NT5M: variants seen among roughly 807,000 people sequenced by gnomAD.
NT5M encodes the protein 5',3'-nucleotidase, mitochondrial, also known as 5'(3')-deoxyribonucleotidase, mitochondrial.
NT5M carries 22 observed loss-of-function variants against 22.2 expected under a neutral mutation model. The observed-to-expected ratio is 0.99, with a 90% confidence interval of 0.71 to 1.41. The LOEUF (loss-of-function observed/expected upper bound fraction) is 1.41. NT5M is among the 40% of genes most tolerant of loss of function. The pLI, the probability that NT5M is intolerant of heterozygous loss-of-function variation, is 0.00. For synonymous variants in NT5M, 167 were observed against 133.0 expected, an observed-to-expected ratio of 1.26 and a Z score of -1.76; for missense variants, 322 against 314.8, an observed-to-expected ratio of 1.02 and a Z score of -0.17.
intron 2 of NT5M, among the ~76,000 whole-genome samples, chr17:17,311,313 G>A (rs2048917734): frequency 6.6e-6 from 1 of 150,594 alleles, no homozygotes; most frequent in Non-Finnish European, 1.5e-5. Context: ...ACTCCAGCCT[G>A]GGCCGACAGA....
At chr17:17,325,219 A>G (rs17726703) in intron 3 of NT5M, among the ~76,000 whole-genome samples, 24,654 of 152,076 alleles carry the variant, frequency 0.16, 2,189 homozygotes, top group Non-Finnish European at 0.19. Context: ...TGGGAGTGAG[A>G]TGAACGACAT....
intron 3 of NT5M, among the ~76,000 whole-genome samples, chr17:17,335,765 T>G (rs2049495763): frequency 6.6e-6 from 1 of 151,564 alleles, no homozygotes; most frequent in African/African-American, 2.4e-5. Flanking sequence ...CCCAAGTAGC[T>G]GGAACTACAG....
At chr17:17,312,955 G>C (rs1188394853) in intron 2 of NT5M, among the ~76,000 whole-genome samples, 3 of 151,910 alleles carry the variant, frequency 2.0e-5, no homozygotes, top group Admixed American at 1.3e-4. Flanking sequence ...CTGAGCAACA[G>C]AGCAAGACCC....
intron 2 of NT5M, among the ~76,000 whole-genome samples, chr17:17,310,152 A>G (rs1172737350): frequency 6.6e-6 from 1 of 152,144 alleles, no homozygotes; most frequent in Non-Finnish European, 1.5e-5. Flanking sequence ...GGACAAAATT[A>G]AGAAATTGAA....
chr17:17,322,369 G>A lies in NT5M; in HGVS notation c.369-816G>A, dbSNP rs545774617. Among the ~76,000 whole-genome samples the A allele has an allele frequency of 1.1e-4, 16 of 152,192 alleles. No homozygotes were observed. The South Asian group carries it at 2.1e-3, about 20-fold the overall frequency. Reference sequence around the variant, plus strand: ...GGCGAGTTGGGGAGGTGCTCCCTTCGTGTGAGGCCAGTTTTGGTTGGGGCA... The same window carrying A: ...GGCGAGTTGGGGAGGTGCTCCCTTCATGTGAGGCCAGTTTTGGTTGGGGCA... On this transcript the variant is annotated intron_variant, in intron 2 of 4. Transcript: ENST00000389022.
chr17:17,335,620 A>C (rs1277356397), intron 3 of NT5M, among the ~76,000 whole-genome samples: 1 of 151,762 alleles, frequency 6.6e-6, no homozygotes, highest in African/African-American at 2.4e-5. Context: ...TTATATTCTT[A>C]GTTGTTTTAA....
Position 17,303,402 on chromosome 17 carries a change from CCCCGCGCTCCCCGCCCCGCTCCCCGT to C in NT5M, c.-138_-113del. ...TGGGGCCGGTACTTGCGCGCCCGCACCCCGCGCTCCCCGCCCCGCTCCCCGTCCCGCGCTCCACGCGCGCCCCAGCG... is the reference window on the plus strand; with the variant it reads ...TGGGGCCGGTACTTGCGCGCCCGCACCCCGCGCTCCACGCGCGCCCCAGCG... On this transcript the variant is annotated 5_prime_UTR_variant, in exon 1 of 5. Coordinates refer to ENST00000389022, the MANE Select transcript of NT5M (RefSeq NM_020201.4). The C allele has an allele frequency of 5.3e-6, 5 of 942,378 alleles. No homozygotes were observed. Among genetic ancestry groups the C allele is most frequent in the Non-Finnish European group, 5.1e-6 (4 of 788,570 alleles). 58.4% of individuals were successfully genotyped at this position (942,378 alleles called of 1,614,324 possible).
Position 17,346,152 on chromosome 17 carries a change from C to T in NT5M, c.545-653C>T, listed in dbSNP as rs1211647532. On this transcript the variant is annotated intron_variant, in intron 4 of 4. Coordinates refer to ENST00000389022, the MANE Select transcript of NT5M (RefSeq NM_020201.4). Reference sequence around the variant, plus strand: ...AGTGTACCCACCCCACCCCACCCTCCCCAGCCTCGTGGGTTCCCGCCAGAG... The same window carrying T: ...AGTGTACCCACCCCACCCCACCCTCTCCAGCCTCGTGGGTTCCCGCCAGAG... 3.3e-5 allele frequency among the ~76,000 whole-genome samples: 5 copies of T among 152,280 alleles called. No individual in the cohort carries two copies. In the East Asian group the frequency reaches 9.6e-4, roughly 29 times the overall value.
At chr17:17,332,027 G>A (rs570616077) in intron 3 of NT5M, among the ~76,000 whole-genome samples, 15 of 148,488 alleles carry the variant, frequency 1.0e-4, no homozygotes, top group East Asian at 3.9e-4. Flanking sequence ...TGATCCACCC[G>A]CCTCGGCCTC....
chr17:17,339,440 T>G (rs2049592770), intron 3 of NT5M, among the ~76,000 whole-genome samples: 1 of 152,230 alleles, frequency 6.6e-6, no homozygotes, highest in Non-Finnish European at 1.5e-5. Flanking sequence ...CTTCTAATCC[T>G]TTCTAATTTG....
At chr17:17,315,812 C>T (rs1186738158) in intron 2 of NT5M, among the ~76,000 whole-genome samples, 3 of 136,420 alleles carry the variant, frequency 2.2e-5, no homozygotes, top group African/African-American at 8.5e-5. Flanking sequence ...TAGAGTGCAG[C>T]GGTGTGATCC....
intron 3 of NT5M, among the ~76,000 whole-genome samples, chr17:17,338,335 G>A (rs2049561981): frequency 6.6e-6 from 1 of 152,102 alleles, no homozygotes; most frequent in African/African-American, 2.4e-5. Flanking sequence ...TGGGACTACA[G>A]GCATGTGCCA....
chr17:17,306,428 G>A, intron 1 of NT5M, 115 bp from the exon 2 acceptor site: 1 of 744,002 alleles, frequency 1.3e-6, no homozygotes. Flanking sequence ...GTGTGTGTTT[G>A]GGGGAGTGAG....
At chr17:17,320,551 A>G (rs1202652808) in intron 2 of NT5M, among the ~76,000 whole-genome samples, 1 of 152,214 alleles carries the variant, frequency 6.6e-6, no homozygotes, top group Non-Finnish European at 1.5e-5. Flanking sequence ...AACTGAGGGA[A>G]GACTCGGGGA....
At chr17:17,313,987 A>G (rs967299645) in intron 2 of NT5M, among the ~76,000 whole-genome samples, 10 of 151,976 alleles carry the variant, frequency 6.6e-5, no homozygotes, top group African/African-American at 9.7e-5. Flanking sequence ...TTGGTTTGGA[A>G]TATCTTCAGG....
At chr17:17,324,500 T>A (rs1189603797) in intron 3 of NT5M, among the ~76,000 whole-genome samples, 1 of 136,408 alleles carries the variant, frequency 7.3e-6, no homozygotes, top group African/African-American at 3.2e-5. Flanking sequence ...AAAACTTAAT[T>A]TAAAAAAAAA....
intron 3 of NT5M, among the ~76,000 whole-genome samples, chr17:17,340,669 G>T (rs553555262): frequency 1.3e-5 from 2 of 152,152 alleles, no homozygotes; most frequent in East Asian, 3.9e-4. Context: ...TGGGACTACA[G>T]GTAGGTGCCA....
chr17:17,331,668 C>A (rs1426287813), intron 3 of NT5M, among the ~76,000 whole-genome samples: 1 of 151,494 alleles, frequency 6.6e-6, no homozygotes, highest in East Asian at 1.9e-4. Flanking sequence ...GATCATAGCT[C>A]ACTGCAGCCT....
At chr17:17,313,050 A>T (rs1182335949) in intron 2 of NT5M, among the ~76,000 whole-genome samples, 1 of 152,082 alleles carries the variant, frequency 6.6e-6, no homozygotes, top group Non-Finnish European at 1.5e-5. Flanking sequence ...CGGGCGGATC[A>T]CCTGAGGTCA....
Sources: gnomAD v4.1 joint callset for allele counts (sites outside exome capture counted in the v4.1 genomes callset) on GRCh38, gnomAD v4.1.1 for gene constraint, MANE v1.5 for transcripts, NCBI Gene and HGNC (gene_info 2026-07-23, HGNC 2026-07-21) for gene names.